PLEKHG1: variants seen among roughly 807,000 people sequenced by gnomAD.
The protein encoded by PLEKHG1 is pleckstrin homology domain-containing family G member 1.
PLEKHG1 carries 44 observed loss-of-function variants against 100.8 expected under a neutral mutation model. That is an observed-to-expected ratio of 0.44 (90% CI 0.34 to 0.56). The LOEUF is 0.56. Among genes scored for constraint, PLEKHG1 ranks in the 20% least tolerant of loss-of-function variants. The pLI is 0.01. For missense variants in PLEKHG1, 1,545 were observed against 1,720.9 expected, an observed-to-expected ratio of 0.90 and a Z score of 1.81; for synonymous variants, 640 against 662.5, an observed-to-expected ratio of 0.97 and a Z score of 0.52.
intron 4 of PLEKHG1, 100 bp from the exon 6 acceptor site, chr6:150,795,756 T>A (rs1473399384): frequency 8.2e-6 from 5 of 608,702 alleles, no homozygotes; most frequent in South Asian, 2.3e-5. Flanking sequence ...TATATATATA[T>A]AAATGTCAAG....
At chr6:150,675,620 A>G (rs12205723) in intron 3 of PLEKHG1, among the ~76,000 whole-genome samples, 50,355 of 152,134 alleles carry the variant, frequency 0.33, 9,202 homozygotes, top group Middle Eastern at 0.48. Context: ...TCCCTCTGTC[A>G]CCCAGGCTGG....
intron 2 of PLEKHG1, among the ~76,000 whole-genome samples, chr6:150,752,158 C>T (rs1374069915): frequency 1.3e-5 from 2 of 152,046 alleles, no homozygotes; most frequent in Admixed American, 1.3e-4. Flanking sequence ...TGCACTCTAG[C>T]CTGGGCGACA....
chr6:150,717,170 T>C (rs565851338), upstream of PLEKHG1, among the ~76,000 whole-genome samples: 1 of 152,174 alleles, frequency 6.6e-6, no homozygotes, highest in Admixed American at 6.5e-5. Context: ...TAGCTGGAAC[T>C]ACAGACATGT....
At chr6:150,795,587 T>C (rs1786277307) in intron 4 of PLEKHG1, among the ~76,000 whole-genome samples, 1 of 151,704 alleles carries the variant, frequency 6.6e-6, no homozygotes, top group African/African-American at 2.4e-5. Flanking sequence ...CCGGGCATGG[T>C]GGCGCATTCC....
Position 150,831,781 on chromosome 6 carries a change from G to A in PLEKHG1, c.2670G>A (p.Thr890=), listed in dbSNP as rs1562563907. 3.7e-6 allele frequency: 6 copies of A among 1,613,436 alleles called. No homozygotes were observed. The highest frequency in any genetic ancestry group is 1.7e-5 in the Admixed American group (1 of 60,028). ...GGGACGTGGGGCGCTCTGTGTCCAC[G>A]CTGTCCCTGCCTGAGAGCCAGGCTC... is the stretch of plus-strand genomic sequence containing the variant. The change falls in exon 15 of 16, where the codon ACG becomes ACA. Residue 890 remains threonine (T), a synonymous_variant. Transcript: ENST00000358517. The surrounding 1 kb of genome is among the most constrained non-coding windows in gnomAD (Gnocchi z 4.1).
chr6:150,837,096 A>C (rs1777265373), intron 15 of PLEKHG1, among the ~76,000 whole-genome samples: 1 of 152,192 alleles, frequency 6.6e-6, no homozygotes, highest in Non-Finnish European at 1.5e-5. Flanking sequence ...CAGGAGGTAG[A>C]TGTTGCAGTG....
intron 3 of PLEKHG1, among the ~76,000 whole-genome samples, chr6:150,776,403 A>G (rs112383010): frequency 4.5e-4 from 64 of 143,488 alleles, no homozygotes; most frequent in African/African-American, 1.1e-3. Context: ...GCACATGTGC[A>G]GTTGCACATT....
chr6:150,815,601 C>G (rs1787821934), intron 10 of PLEKHG1, among the ~76,000 whole-genome samples: 1 of 152,162 alleles, frequency 6.6e-6, no homozygotes, highest in African/African-American at 2.4e-5. Context: ...ATCTCAAACT[C>G]TGAATGTATG....
intron 3 of PLEKHG1, among the ~76,000 whole-genome samples, chr6:150,709,281 G>C (rs2128603530): frequency 6.6e-6 from 1 of 152,300 alleles, no homozygotes; most frequent in South Asian, 2.1e-4. Context: ...GTTTCAGTGA[G>C]CCGAGATTGC....
intron 1 of PLEKHG1, among the ~76,000 whole-genome samples, chr6:150,728,287 A>G (rs895957568): frequency 6.6e-6 from 1 of 152,242 alleles, no homozygotes; most frequent in Admixed American, 6.5e-5. Context: ...ATTTTCTAGT[A>G]GCAACAGTAT....
At chr6:150,700,245 A>T (rs1040257914) in intron 3 of PLEKHG1, among the ~76,000 whole-genome samples, 1 of 152,202 alleles carries the variant, frequency 6.6e-6, no homozygotes, top group Non-Finnish European at 1.5e-5. Flanking sequence ...GATCTGGAAG[A>T]TGCACAGTGA....
intron 14 of PLEKHG1, among the ~76,000 whole-genome samples, chr6:150,825,440 G>A (rs889533503): frequency 2.0e-5 from 3 of 152,140 alleles, no homozygotes; most frequent in Non-Finnish European, 4.4e-5. Context: ...AATGAGCTGG[G>A]TGTGGTGGCT....
intron 14 of PLEKHG1, chr6:150,828,230 T>C: frequency 1.9e-6 from 3 of 1,613,796 alleles, no homozygotes; most frequent in African/African-American, 1.3e-5. Context: ...GGCATGAACC[T>C]GACAAGAGAT....
At chr6:150,801,919 G>A (rs893272544) in intron 6 of PLEKHG1, among the ~76,000 whole-genome samples, 8 of 152,236 alleles carry the variant, frequency 5.3e-5, no homozygotes, top group Admixed American at 3.3e-4. Flanking sequence ...AATCTTATAC[G>A]TTGCCCACAT....
chr6:150,766,074 A>G (rs1296265530), intron 2 of PLEKHG1, among the ~76,000 whole-genome samples: 1 of 152,242 alleles, frequency 6.6e-6, no homozygotes, highest in Non-Finnish European at 1.5e-5. Flanking sequence ...TAGAGATCTT[A>G]AGGACATAAA....
rs188501916 is a variant in PLEKHG1 at position 150,827,181 on chromosome 6, C to T, written c.1471-3401C>T. 5.6e-3 allele frequency among the ~76,000 whole-genome samples: 848 copies of T among 152,132 alleles called. 13 individuals are homozygous for T. The highest frequency in any genetic ancestry group is 0.019 in the African/African-American group (774 of 41,488). ...AAGTGCTGGGATTACAGACATAAGC[C>T]ACCGTGCCCAGATGATTACTTCTTA... On this transcript the variant is annotated intron_variant, in intron 14 of 15. Coordinates refer to ENST00000358517, the Ensembl canonical transcript of PLEKHG1.
rs1415715439 is a variant in PLEKHG1 at position 150,600,589 on chromosome 6, C to T, written c.-204+572C>T. 6.6e-6 allele frequency among the ~76,000 whole-genome samples: 1 copy of T among 152,210 alleles called. No individual in the cohort carries two copies. The highest frequency in any genetic ancestry group is 2.4e-5 in the African/African-American group (1 of 41,458). ...AGGGCTTGGGGGCGCCCCCGTTCTG[C>T]AGATGCGCTTTTCAGGGGGTGGGGA... On this transcript the variant is annotated intron_variant, in intron 1 of 3. Transcript: ENST00000367326. This position sits in a 1 kb window ranked among gnomAD's most constrained non-coding sequence, Gnocchi z 6.2.
At chr6:150,670,413 A>G (rs896446000) in intron 3 of PLEKHG1, among the ~76,000 whole-genome samples, 2 of 152,262 alleles carry the variant, frequency 1.3e-5, no homozygotes, top group African/African-American at 2.4e-5. Flanking sequence ...AACAAGGCAC[A>G]GAGATGGAAG....
intron 2 of PLEKHG1, among the ~76,000 whole-genome samples, chr6:150,750,705 C>T (rs1393948107): frequency 2.3e-5 from 3 of 131,604 alleles, no homozygotes; most frequent in African/African-American, 6.5e-5. Flanking sequence ...GGCGTGAACC[C>T]GGGAGGCGGA....
Sources: gnomAD v4.1 joint callset for allele counts (sites outside exome capture counted in the v4.1 genomes callset) on GRCh38, gnomAD v4.1.1 for gene constraint, Gnocchi (gnomAD v3.1) non-coding constraint, MANE v1.5 for transcripts, NCBI Gene and HGNC (gene_info 2026-07-23, HGNC 2026-07-21) for gene names.